The following PSMA1 variants were observed in gnomAD, a reference collection of about 807,000 sequenced individuals.
The protein encoded by PSMA1 is proteasome subunit alpha type-1.
Under a neutral mutation model 38.4 loss-of-function variants are expected in PSMA1, and 3 were observed. That is an observed-to-expected ratio of 0.08 (90% CI 0.04 to 0.20). PSMA1 has a LOEUF of 0.20. Among genes scored for constraint, PSMA1 ranks in the 10% least tolerant of loss-of-function variants. The probability of loss-of-function intolerance (pLI) is 1.00; values close to 1 mark genes in which losing one functional copy is unlikely to be tolerated. For missense variants in PSMA1, 227 were observed against 325.3 expected, an observed-to-expected ratio of 0.70 and a Z score of 2.32; for synonymous variants, 101 against 107.1, an observed-to-expected ratio of 0.94 and a Z score of 0.35.
At chr11:14,572,580 C>T (rs1267436482) in intron 2 of PSMA1, among the ~76,000 whole-genome samples, 1 of 152,164 alleles carries the variant, frequency 6.6e-6, no homozygotes, top group Non-Finnish European at 1.5e-5. Context: ...CTAAAATTGA[C>T]ACCCTAACAT....
intron 1 of PSMA1, among the ~76,000 whole-genome samples, chr11:14,622,546 A>G (rs969756935): frequency 6.6e-6 from 1 of 152,258 alleles, no homozygotes; most frequent in Non-Finnish European, 1.5e-5. Flanking sequence ...TGAAACTTCA[A>G]TGAAGTGTTT....
At chr11:14,621,659 TTTCTATAA>T (rs1852845465) in intron 1 of PSMA1, among the ~76,000 whole-genome samples, 1 of 152,218 alleles carries the variant, frequency 6.6e-6, no homozygotes, top group Non-Finnish European at 1.5e-5. Context: ...AAAGTGTCTG[TTTCTATAA>T]GTAATTCTTT....
At chr11:14,546,571 A>G (rs1484897801) in intron 2 of PSMA1, among the ~76,000 whole-genome samples, 5 of 151,850 alleles carry the variant, frequency 3.3e-5, no homozygotes, top group South Asian at 2.1e-4. Context: ...CCAAGTAGCT[A>G]GGATTACAGG....
At chr11:14,552,646 C>G (rs190145058) in intron 2 of PSMA1, among the ~76,000 whole-genome samples, 62 of 152,098 alleles carry the variant, frequency 4.1e-4, no homozygotes, top group African/African-American at 1.4e-3. Context: ...GCATTAGAGT[C>G]CCCCTGGGCC....
intron 2 of PSMA1, among the ~76,000 whole-genome samples, chr11:14,530,325 T>C (rs2134158823): frequency 6.6e-6 from 1 of 152,336 alleles, no homozygotes; most frequent in East Asian, 1.9e-4. Flanking sequence ...AACAGTTCCC[T>C]TTCCACTCCT....
intron 2 of PSMA1, among the ~76,000 whole-genome samples, chr11:14,558,184 G>T (rs1052279997): frequency 6.6e-6 from 1 of 151,190 alleles, no homozygotes; most frequent in Non-Finnish European, 1.5e-5. Flanking sequence ...AGGCCACGGT[G>T]GGGGGACTGC....
At chr11:14,513,721 CCACAT>C (rs2134146038) in intron 6 of PSMA1, 22 bp from the exon 7 acceptor site, 1 of 1,557,936 alleles carries the variant, frequency 6.4e-7, no homozygotes, top group South Asian at 1.2e-5. Context: ...AATAAATACA[CCACAT>C]AATTATTTAC....
intron 2 of PSMA1, among the ~76,000 whole-genome samples, chr11:14,573,603 A>G (rs1048584810): frequency 6.6e-6 from 1 of 152,242 alleles, no homozygotes; most frequent in Non-Finnish European, 1.5e-5. Context: ...AAACTGGCAC[A>G]AGACAGGGAT....
chr11:14,534,178 C>A lies in PSMA1; in HGVS notation c.22-15137G>T, dbSNP rs573989542. Among the ~76,000 whole-genome samples, 1 of 151,598 alleles carries A rather than the reference C, an allele frequency of 6.6e-6. No individual in the cohort carries two copies. The highest frequency in any genetic ancestry group is 1.9e-4 in the East Asian group (1 of 5,158). ...ACTGGGCAACAAGAGCAAAACTCTG[C>A]CTCAAAAATACATACATACATACAT... On this transcript the variant is annotated intron_variant, in intron 2 of 10. Transcript: ENST00000418988. The surrounding 1 kb of genome is among the most constrained non-coding windows in gnomAD (Gnocchi z 4.5).
intron 1 of PSMA1, among the ~76,000 whole-genome samples, chr11:14,630,753 C>G (rs1179824957): frequency 6.6e-6 from 1 of 151,990 alleles, no homozygotes; most frequent in Non-Finnish European, 1.5e-5. Flanking sequence ...CCAGTTCCTC[C>G]TTGTACCTCT....
upstream of PSMA1, among the ~76,000 whole-genome samples, chr11:14,522,390 G>A (rs1455662212): frequency 6.6e-6 from 1 of 150,684 alleles, no homozygotes; most frequent in Non-Finnish European, 1.5e-5. Context: ...AGAATTCATA[G>A]AAGTAGAATT....
chr11:14,558,023 T>G (rs997805303), intron 2 of PSMA1, among the ~76,000 whole-genome samples: 8 of 151,952 alleles, frequency 5.3e-5, no homozygotes, highest in African/African-American at 1.9e-4. Flanking sequence ...AAAACAAAAG[T>G]TTGAAGTCAA....
intron 3 of PSMA1, 25 bp from the exon 4 acceptor site, chr11:14,517,770 A>C: frequency 1.5e-4 from 4 of 26,182 alleles, no homozygotes; most frequent in Non-Finnish European, 2.3e-4. Flanking sequence ...TATAAGATGT[A>C]AAAAAAAAAA....
rs145984090 is a variant in PSMA1 at position 14,635,430 on chromosome 11, G to C, written c.-166+8025C>G. On this transcript the variant is annotated intron_variant, in intron 1 of 10. Transcript: ENST00000418988. ...TGGGAACAGTCCAAGCATAATTCTAGTGAAGATTGATGTTAGGTTAAGAAC... is the reference window on the plus strand; with the variant it reads ...TGGGAACAGTCCAAGCATAATTCTACTGAAGATTGATGTTAGGTTAAGAAC... Among the ~76,000 whole-genome samples, 983 of 152,310 alleles carry C rather than the reference G, an allele frequency of 6.5e-3. 9 individuals are homozygous for C. The highest frequency in any genetic ancestry group is 0.022 in the African/African-American group (921 of 41,564).
intron 2 of PSMA1, among the ~76,000 whole-genome samples, chr11:14,589,191 A>G (rs1360563096): frequency 6.6e-6 from 1 of 152,018 alleles, no homozygotes. Flanking sequence ...CTGCATCCCT[A>G]TTTAAAAATG....
intron 2 of PSMA1, among the ~76,000 whole-genome samples, chr11:14,554,103 C>T (rs1851917189): frequency 6.6e-6 from 1 of 152,074 alleles, no homozygotes; most frequent in African/African-American, 2.4e-5. Context: ...TTTGTATATC[C>T]TCTTTGCAGA....
rs1851678181 is a variant in PSMA1, at chr11:14,534,113, G to A, written c.22-15072C>T. On this transcript the variant is annotated intron_variant, in intron 2 of 10. Transcript: ENST00000418988. The surrounding 1 kb of genome is among the most constrained non-coding windows in gnomAD (Gnocchi z 4.5). Reference sequence around the variant, plus strand: ...GGAGAATCACTTGAACCCAGGAGGTGGAGGTTGCAGTGAGCCGAAATTGTG... The same window carrying A: ...GGAGAATCACTTGAACCCAGGAGGTAGAGGTTGCAGTGAGCCGAAATTGTG... 6.6e-6 allele frequency among the ~76,000 whole-genome samples: 1 copy of A among 152,098 alleles called. No individual in the cohort carries two copies. The highest frequency in any genetic ancestry group is 1.5e-5 in the Non-Finnish European group (1 of 68,016).
chr11:14,581,320 T>C (rs1353284570), intron 2 of PSMA1, among the ~76,000 whole-genome samples: 1 of 152,190 alleles, frequency 6.6e-6, no homozygotes, highest in East Asian at 1.9e-4. Flanking sequence ...ATCATCTGAA[T>C]CAGTTGGCTC....
intron 7 of PSMA1, 196 bp downstream of exon 7, chr11:14,513,374 T>G: frequency 1.9e-6 from 1 of 534,006 alleles, no homozygotes. Flanking sequence ...TACTCGTGCT[T>G]GAAACTACTG....
Sources: allele counts gnomAD v4.1 joint callset (sites outside exome capture counted in the v4.1 genomes callset), GRCh38; gene constraint gnomAD v4.1.1; non-coding constraint Gnocchi (gnomAD v3.1); transcripts MANE v1.5; gene names NCBI Gene and HGNC (gene_info 2026-07-23, HGNC 2026-07-21).